The following LMBRD2 variants were observed in gnomAD, a reference collection of about 807,000 sequenced individuals.
LMBRD2 encodes LMBR1 domain containing 2, also known as G protein-coupled receptor-associated protein LMBRD2.
Under a neutral mutation model 94.4 loss-of-function variants are expected in LMBRD2, and 55 were observed. That is an observed-to-expected ratio of 0.58 (90% CI 0.47 to 0.73). The LOEUF (loss-of-function observed/expected upper bound fraction) is 0.73, where lower values mean the gene tolerates loss of function less well. LMBRD2 is among the 30% of genes least tolerant of loss of function. The pLI, the probability that LMBRD2 is intolerant of heterozygous loss-of-function variation, is 0.00. For synonymous variants in LMBRD2, 246 were observed against 272.4 expected, an observed-to-expected ratio of 0.90 and a Z score of 0.95; for missense variants, 640 against 831.9, an observed-to-expected ratio of 0.77 and a Z score of 2.84.
In LMBRD2 at chr5:36,124,151, T is replaced by A. The variant is rs966026864; in HGVS notation, c.822+40A>T. 2.6e-6 allele frequency: 3 copies of A among 1,134,468 alleles called. No homozygotes were observed. In the African/African-American group the frequency reaches 4.7e-5, roughly 18 times the overall value. The allele number at this position is 1,134,468 out of a possible 1,614,324, so 70.3% of individuals were successfully genotyped here. ...TACTTTTGGTATAATATTATATAAG[T>A]GTATATTTCAAAAGGAAACAGACAA... On this transcript the variant is annotated intron_variant, in intron 7 of 17. Transcript: ENST00000296603.
At chr5:36,115,647 T>C (rs1743723084) in intron 11 of LMBRD2, among the ~76,000 whole-genome samples, 1 of 151,984 alleles carries the variant, frequency 6.6e-6, no homozygotes, top group African/African-American at 2.4e-5. Context: ...AAAAAAATAA[T>C]ATGAGATAAT....
chr5:36,135,374 A>C (rs957864172), intron 6 of LMBRD2, among the ~76,000 whole-genome samples: 4 of 152,294 alleles, frequency 2.6e-5, no homozygotes, highest in South Asian at 2.1e-4. Flanking sequence ...TACTATAATT[A>C]TCACCATTAC....
chr5:36,106,784 G>T (rs899890340), intron 16 of LMBRD2, among the ~76,000 whole-genome samples: 1 of 151,894 alleles, frequency 6.6e-6, no homozygotes, highest in South Asian at 2.1e-4. Context: ...ATAAGCCACC[G>T]CGCCTGGCCC....
At chr5:36,146,836 T>G (rs1744552296) in intron 1 of LMBRD2, among the ~76,000 whole-genome samples, 1 of 152,190 alleles carries the variant, frequency 6.6e-6, no homozygotes, top group Non-Finnish European at 1.5e-5. Flanking sequence ...ACAGTGATGT[T>G]TTGATATACT....
At chr5:36,113,247 T>C (rs1743656885) in intron 13 of LMBRD2, among the ~76,000 whole-genome samples, 1 of 152,152 alleles carries the variant, frequency 6.6e-6, no homozygotes, top group South Asian at 2.1e-4. Flanking sequence ...TCCTGTTCTG[T>C]TCCGATCTAA....
chr5:36,125,559 G>A (rs1423674392), intron 6 of LMBRD2, among the ~76,000 whole-genome samples: 1 of 152,094 alleles, frequency 6.6e-6, no homozygotes, highest in Admixed American at 6.5e-5. Context: ...TTAAAAATAA[G>A]AAGCTTTTTT....
At chr5:36,116,811 G>A (rs757425473) in intron 10 of LMBRD2, among the ~76,000 whole-genome samples, 49 of 152,050 alleles carry the variant, frequency 3.2e-4, no homozygotes, top group Non-Finnish European at 5.4e-4. Context: ...TGAGTAGCTG[G>A]GATTACAGGC....
chr5:36,124,615 T>C (rs1397604965), intron 6 of LMBRD2, among the ~76,000 whole-genome samples: 1 of 152,200 alleles, frequency 6.6e-6, no homozygotes, highest in Non-Finnish European at 1.5e-5. Flanking sequence ...CCAAGATCAA[T>C]GATCTCATTA....
intron 6 of LMBRD2, among the ~76,000 whole-genome samples, 169 bp downstream of exon 6, chr5:36,136,140 C>T (rs2111899279): frequency 6.6e-6 from 1 of 152,284 alleles, no homozygotes; most frequent in Non-Finnish European, 1.5e-5. Flanking sequence ...CATCATGAGG[C>T]TGAACTGCTA....
intron 16 of LMBRD2, 68 bp downstream of exon 16, chr5:36,108,466 C>A: frequency 1.4e-6 from 1 of 717,188 alleles, no homozygotes; most frequent in Non-Finnish European, 2.3e-6. Flanking sequence ...TGTATTCTAA[C>A]ACTCAATCTC....
At chr5:36,105,651 C>T (rs1743448968) in intron 16 of LMBRD2, among the ~76,000 whole-genome samples, 1 of 152,178 alleles carries the variant, frequency 6.6e-6, no homozygotes, top group Non-Finnish European at 1.5e-5. Context: ...CACTAGCCAA[C>T]ATCGGCACTA....
chr5:36,105,229 C>A (rs1354797834), intron 16 of LMBRD2, 32 bp from the exon 17 acceptor site: 3 of 1,607,206 alleles, frequency 1.9e-6, no homozygotes, highest in Non-Finnish European at 2.6e-6. Context: ...TGTCTACTTC[C>A]CTACTGTCTT....
In LMBRD2 at chr5:36,144,367, G is replaced by C. The variant is rs190501721; in HGVS notation, c.-57-961C>G. The stretch of plus-strand genomic sequence containing the variant: ...AGGAATTGATTAATATCCTAACACA[G>C]AGAATCAAGAGTGTGATCAACCCAA... On this transcript the variant is annotated intron_variant, in intron 1 of 17. Transcript: ENST00000296603. 6.2e-3 allele frequency among the ~76,000 whole-genome samples: 937 copies of C among 152,150 alleles called. 5 individuals carry two copies. The highest frequency in any genetic ancestry group is 0.021 in the African/African-American group (854 of 41,522).
At chr5:36,120,539 G>A (rs534687061) in intron 9 of LMBRD2, among the ~76,000 whole-genome samples, 1 of 152,290 alleles carries the variant, frequency 6.6e-6, no homozygotes, top group East Asian at 1.9e-4. Flanking sequence ...GATTACAGGT[G>A]TGAGCCACCG....
rs1223148231 is a variant in LMBRD2 at position 36,122,918 on chromosome 5, TCATC to T, written c.862_865del (p.Asp288IlefsTer19). ...ATGCTTTTCATCAAAATCTTCATAA[TCATC>T]CATGTTCCTACCCATTTTTTCCTGA... On this transcript the variant is annotated frameshift_variant, in exon 8 of 18. Transcript: ENST00000296603. LOFTEE classifies it high-confidence loss of function. The T allele has an allele frequency of 6.3e-7, 1 of 1,575,626 alleles. No individual in the cohort carries two copies. The highest frequency in any genetic ancestry group is 2.4e-5 in the East Asian group (1 of 42,474).
intron 3 of LMBRD2, 36 bp from the exon 4 acceptor site, chr5:36,141,238 A>G (rs747039597): frequency 2.2e-5 from 26 of 1,177,806 alleles, no homozygotes; most frequent in Admixed American, 3.8e-5. Context: ...CTAATCATAA[A>G]TGACTACTTA....
At chr5:36,133,348 G>C (rs1744196810) in intron 6 of LMBRD2, among the ~76,000 whole-genome samples, 1 of 151,928 alleles carries the variant, frequency 6.6e-6, no homozygotes, top group Admixed American at 6.6e-5. Context: ...GGCTGGGAGG[G>C]GTTATGGGTA....
intron 13 of LMBRD2, 132 bp from the exon 14 acceptor site, chr5:36,111,390 G>T: frequency 1.4e-6 from 1 of 698,892 alleles, no homozygotes; most frequent in Non-Finnish European, 2.5e-6. Flanking sequence ...GTTATCTACT[G>T]TCACATCTGA....
chr5:36,150,354 A>C (rs1477583042), intron 1 of LMBRD2, among the ~76,000 whole-genome samples: 5 of 152,224 alleles, frequency 3.3e-5, no homozygotes, highest in African/African-American at 1.2e-4. Flanking sequence ...CCTATCTATG[A>C]GATCTATATC....
Sources: allele counts gnomAD v4.1 joint callset (sites outside exome capture counted in the v4.1 genomes callset), GRCh38; gene constraint gnomAD v4.1.1; transcripts MANE v1.5; gene names NCBI Gene and HGNC (gene_info 2026-07-23, HGNC 2026-07-21).